The following SSBP2 variants were observed in gnomAD, a reference collection of about 807,000 sequenced individuals.
The protein encoded by SSBP2 is single-stranded DNA-binding protein 2.
A neutral mutation model predicts 61.8 loss-of-function variants in SSBP2; 17 were observed. The observed-to-expected ratio is 0.28, with a 90% confidence interval of 0.19 to 0.41. The LOEUF (loss-of-function observed/expected upper bound fraction) is 0.41, where lower values mean the gene tolerates loss of function less well. Among genes scored for constraint, SSBP2 ranks in the 10% least tolerant of loss-of-function variants. The pLI, the probability that SSBP2 is intolerant of heterozygous loss-of-function variation, is 1.00. For synonymous variants in SSBP2, 139 were observed against 141.3 expected (o/e 0.98, Z 0.12); for missense variants, 310 against 458.7 (o/e 0.68, Z 2.96).
At chr5:81,549,504 G>T (rs1157828746) in intron 4 of SSBP2, among the ~76,000 whole-genome samples, 3 of 152,118 alleles carry the variant, frequency 2.0e-5, no homozygotes, top group Non-Finnish European at 2.9e-5. Flanking sequence ...ACCTACTTGT[G>T]TTATTGTATA....
chr5:81,577,787 T>C (rs1342805579), intron 4 of SSBP2, among the ~76,000 whole-genome samples: 3 of 152,042 alleles, frequency 2.0e-5, no homozygotes, highest in African/African-American at 7.2e-5. Flanking sequence ...TCTACATCTT[T>C]TGCCCTATGT....
intron 4 of SSBP2, among the ~76,000 whole-genome samples, chr5:81,578,796 G>C (rs1357720021): frequency 1.3e-5 from 2 of 150,524 alleles, no homozygotes; most frequent in African/African-American, 4.9e-5. Context: ...TTTTTTTCTA[G>C]ACTTCTGTTC....
At chr5:81,573,253 C>CAT (rs1238875234) in intron 4 of SSBP2, among the ~76,000 whole-genome samples, 1 of 152,068 alleles carries the variant, frequency 6.6e-6, no homozygotes, top group Non-Finnish European at 1.5e-5. Flanking sequence ...ATGTGAGGTA[C>CAT]ATATACATGG....
intron 6 of SSBP2, among the ~76,000 whole-genome samples, chr5:81,476,343 T>C (rs946907969): frequency 1.3e-5 from 2 of 152,194 alleles, no homozygotes; most frequent in African/African-American, 4.8e-5. Flanking sequence ...CAGAACATCA[T>C]GGAAGACATG....
intron 5 of SSBP2, among the ~76,000 whole-genome samples, chr5:81,496,565 T>C (rs1221538559): frequency 1.3e-5 from 2 of 152,324 alleles, no homozygotes; most frequent in African/African-American, 4.8e-5. Context: ...AAGTGATCAT[T>C]TACTTAACAA....
intron 3 of SSBP2, among the ~76,000 whole-genome samples, chr5:81,627,188 GT>G (rs1170986595): frequency 6.6e-6 from 1 of 151,978 alleles, no homozygotes; most frequent in Admixed American, 6.5e-5. Flanking sequence ...GATTCCCTCC[GT>G]TTTTTACAAT....
At chr5:81,572,835 G>A (rs1298582492) in intron 4 of SSBP2, among the ~76,000 whole-genome samples, 1 of 151,992 alleles carries the variant, frequency 6.6e-6, no homozygotes, top group Non-Finnish European at 1.5e-5. Flanking sequence ...AATTTTTGAG[G>A]GAAACACAGA....
At chr5:81,629,925 T>C (rs1194756991) in intron 3 of SSBP2, among the ~76,000 whole-genome samples, 1 of 152,228 alleles carries the variant, frequency 6.6e-6, no homozygotes, top group East Asian at 1.9e-4. Context: ...ATTAAACCAG[T>C]ACATACTTCT....
At chr5:81,592,953 C>T (rs1056679378) in intron 4 of SSBP2, among the ~76,000 whole-genome samples, 4 of 152,126 alleles carry the variant, frequency 2.6e-5, no homozygotes, top group East Asian at 1.9e-4. Flanking sequence ...TCCAAAGGAA[C>T]GCAGCTCCTC....
intron 1 of SSBP2, among the ~76,000 whole-genome samples, chr5:81,668,248 TAAA>T (rs11332987): frequency 0.016 from 1,505 of 94,924 alleles, 24 homozygotes; most frequent in African/African-American, 0.056. Flanking sequence ...TATGGAAGTT[TAAA>T]AAAAAAAAAA....
intron 4 of SSBP2, among the ~76,000 whole-genome samples, chr5:81,541,541 C>A (rs1221969428): frequency 2.0e-5 from 3 of 151,812 alleles, no homozygotes; most frequent in African/African-American, 7.3e-5. Context: ...CTACAATAAG[C>A]CAAAACAGCA....
rs143262696 is a variant in SSBP2, at chr5:81,558,574, A to C, written c.283-44857T>G. ...AAAATGTAAAATTTTGCATGTCTAA[A>C]CTAAAGTTGTGTCATCAATGCCTCA... On this transcript the variant is annotated intron_variant, in intron 4 of 16. Coordinates refer to ENST00000320672, the MANE Select transcript of SSBP2 (RefSeq NM_012446.5). 4.5e-4 allele frequency among the ~76,000 whole-genome samples: 69 copies of C among 152,306 alleles called. No individual in the cohort carries two copies. The East Asian group carries it at 0.013, about 29-fold the overall frequency.
At chr5:81,428,527 C>A in intron 16 of SSBP2, 58 bp downstream of exon 16, 1 of 1,371,630 alleles carries the variant, frequency 7.3e-7, no homozygotes, top group Non-Finnish European at 1.0e-6. Flanking sequence ...TGCATTTATT[C>A]TAGCAGAAGA....
chr5:81,611,931 G>A (rs1452258048), intron 4 of SSBP2, among the ~76,000 whole-genome samples: 1 of 151,878 alleles, frequency 6.6e-6, no homozygotes, highest in Non-Finnish European at 1.5e-5. Flanking sequence ...ACAACATAGG[G>A]CATATGATTA....
At chr5:81,680,211 G>A (rs1193694638) in intron 1 of SSBP2, among the ~76,000 whole-genome samples, 1 of 151,226 alleles carries the variant, frequency 6.6e-6, no homozygotes, top group Non-Finnish European at 1.5e-5. Flanking sequence ...CCTCCAGCTT[G>A]CAGATGAAGG....
chr5:81,676,161 T>A (rs1443397366), intron 1 of SSBP2, among the ~76,000 whole-genome samples: 1 of 152,180 alleles, frequency 6.6e-6, no homozygotes, highest in African/African-American at 2.4e-5. Flanking sequence ...AACCTGACAG[T>A]TACGCTCAAT....
chr5:81,613,489 A>G (rs1005806581), intron 4 of SSBP2, among the ~76,000 whole-genome samples: 9 of 152,224 alleles, frequency 5.9e-5, no homozygotes, highest in Non-Finnish European at 1.2e-4. Flanking sequence ...GACAACGATG[A>G]TCATTTATCC....
At position 81,708,734 on chromosome 5, in the gene SSBP2, A is replaced by G. The variant is rs76898554; in HGVS notation, c.62+42247T>C. ...CTGTATGTATGGGCAATGTGTCCCAATTGAAGCTGTCTTTTTCAGCTAAAG... is the reference window on the plus strand; with the variant it reads ...CTGTATGTATGGGCAATGTGTCCCAGTTGAAGCTGTCTTTTTCAGCTAAAG... On this transcript the variant is annotated intron_variant, in intron 1 of 16. Transcript: ENST00000320672. Among the ~76,000 whole-genome samples the G allele has an allele frequency of 2.0e-3, 302 of 152,096 alleles. 7 individuals are homozygous for G. The East Asian group carries it at 0.053, about 26-fold the overall frequency.
chr5:81,727,198 G>C (rs1160968525), intron 1 of SSBP2, among the ~76,000 whole-genome samples: 1 of 152,162 alleles, frequency 6.6e-6, no homozygotes, highest in Non-Finnish European at 1.5e-5. Context: ...CTGTTGCATT[G>C]CCTATAAAGT....
Sources: allele counts gnomAD v4.1 joint callset (sites outside exome capture counted in the v4.1 genomes callset), GRCh38; gene constraint gnomAD v4.1.1; transcripts MANE v1.5; gene names NCBI Gene and HGNC (gene_info 2026-07-23, HGNC 2026-07-21).